PLAT: variants seen among roughly 807,000 people sequenced by gnomAD.
The protein encoded by PLAT is tissue-type plasminogen activator.
Under a neutral mutation model 74.9 loss-of-function variants are expected in PLAT, and 48 were observed. The ratio of observed to expected loss-of-function variants is 0.64; its 90% CI spans 0.51 to 0.82. The LOEUF (loss-of-function observed/expected upper bound fraction) is 0.82. Among genes scored for constraint, PLAT ranks in the 40% least tolerant of loss-of-function variants. The pLI is 0.00. For synonymous variants in PLAT, 307 were observed against 294.4 expected (o/e 1.04, Z -0.44); for missense variants, 673 against 736.2 (o/e 0.91, Z 0.99).
chr8:42,201,483 G>A (rs762333751), intron 1 of PLAT, among the ~76,000 whole-genome samples: 31 of 152,062 alleles, frequency 2.0e-4, no homozygotes, highest in Middle Eastern at 3.2e-3. Flanking sequence ...GAGATGCCAC[G>A]CTTCATGGGG....
intron 3 of PLAT, among the ~76,000 whole-genome samples, chr8:42,190,865 C>T (rs1805655063): frequency 6.6e-6 from 1 of 152,162 alleles, no homozygotes; most frequent in Admixed American, 6.5e-5. Context: ...TGGGACATCC[C>T]GGTTGGATCA....
intron 13 of PLAT, among the ~76,000 whole-genome samples, chr8:42,177,245 C>T (rs1034693076): frequency 5.9e-5 from 9 of 152,348 alleles, no homozygotes; most frequent in Middle Eastern, 3.4e-3. Context: ...GCATGAGCCC[C>T]GCACCTGACC....
chr8:42,191,477 G>A lies in PLAT; in HGVS notation c.73-63C>T. On this transcript the variant is annotated intron_variant, in intron 2 of 13. Coordinates refer to ENST00000220809, the MANE Select transcript of PLAT (RefSeq NM_000930.5). ...TGCCAGGTGTACTAAGAGTAAAGGC[G>A]GCCAACCCAGAAGCCCATGTGAACC... 3.3e-6 allele frequency: 5 copies of A among 1,508,708 alleles called. No individual in the cohort carries two copies. The East Asian group carries it at 9.0e-5, about 27-fold the overall frequency. 93.5% of individuals were successfully genotyped at this position (1,508,708 alleles called of 1,614,324 possible).
intron 2 of PLAT, among the ~76,000 whole-genome samples, chr8:42,191,627 G>C (rs1001048681): frequency 6.6e-6 from 1 of 152,072 alleles, no homozygotes; most frequent in African/African-American, 2.4e-5. Flanking sequence ...AGAGCTTTCT[G>C]CTTGGTGGAA....
chr8:42,185,964 C>G (rs1805437577), intron 6 of PLAT: 1 of 151,830 alleles, frequency 6.6e-6, no homozygotes, highest in Admixed American at 6.6e-5. Flanking sequence ...CCTGGCTTAC[C>G]AAGATGTTTC....
At chr8:42,177,384 G>A (rs1041228262) in intron 13 of PLAT, among the ~76,000 whole-genome samples, 1 of 152,298 alleles carries the variant, frequency 6.6e-6, no homozygotes, top group Non-Finnish European at 1.5e-5. Flanking sequence ...CTGAAGAGTG[G>A]GTAGATTGTA....
intron 3 of PLAT, among the ~76,000 whole-genome samples, chr8:42,189,610 T>A (rs1805610461): frequency 6.6e-6 from 1 of 151,556 alleles, no homozygotes; most frequent in South Asian, 2.1e-4. Flanking sequence ...TTATTATTAT[T>A]ATTTTTGAAA....
In PLAT at chr8:42,175,957, GA is replaced by G; in HGVS notation, c.*35del. The G allele has an allele frequency of 6.2e-7, 1 of 1,607,922 alleles. No individual in the cohort carries two copies. The highest frequency in any genetic ancestry group is 8.5e-7 in the Non-Finnish European group (1 of 1,175,206). ...GTGTCTTCTGAAGAAGAAGAGGCGGGATCTCATTTGCTTTTGAGGAGTCGGG... is the reference window on the plus strand; with the variant it reads ...GTGTCTTCTGAAGAAGAAGAGGCGGGTCTCATTTGCTTTTGAGGAGTCGGG... On this transcript the variant is annotated 3_prime_UTR_variant, in exon 14 of 14. Transcript: ENST00000220809.
At position 42,189,058 on chromosome 8, in the gene PLAT, A is replaced by G. The variant is rs1197841254; in HGVS notation, c.129T>C (p.Asp43=). The G allele has an allele frequency of 6.2e-7, 1 of 1,612,976 alleles. No individual in the cohort carries two copies. Among genetic ancestry groups the G allele is most frequent in the Non-Finnish European group, 8.5e-7 (1 of 1,179,200 alleles). ...GARSYQVICR[D]EKTQMIYQQH... Reference sequence around the variant, plus strand: ...GCTGGTATATCATCTGCGTTTTTTCATCTCTGCAGATCACTATGAGAAAAG... The same window carrying G: ...GCTGGTATATCATCTGCGTTTTTTCGTCTCTGCAGATCACTATGAGAAAAG... The change falls in exon 4 of 14, where the codon GAT becomes GAC. Residue 43 remains aspartate, a synonymous_variant. Transcript: ENST00000220809.
chr8:42,196,673 T>G (rs1354997600), intron 1 of PLAT, among the ~76,000 whole-genome samples: 1 of 152,046 alleles, frequency 6.6e-6, no homozygotes, highest in Non-Finnish European at 1.5e-5. Flanking sequence ...ACTTTGGGCC[T>G]CACCAAAGGG....
Position 42,175,906 on chromosome 8 carries a change from CTG to C in PLAT, c.*85_*86del. On this transcript the variant is annotated 3_prime_UTR_variant, in exon 14 of 14. Transcript: ENST00000220809. Reference sequence around the variant, plus strand: ...TGCGGTGTGGTGGGTCTGGAGAAGTCTGTAGAGAAGCACTGCGCCTTTGCAGT... The same window carrying C: ...TGCGGTGTGGTGGGTCTGGAGAAGTCTAGAGAAGCACTGCGCCTTTGCAGT... 7.3e-7 allele frequency: 1 copy of C among 1,365,812 alleles called. No homozygotes were observed. Among genetic ancestry groups the C allele is most frequent in the African/African-American group, 1.4e-5 (1 of 70,392 alleles). 84.6% of individuals were successfully genotyped at this position (1,365,812 alleles called of 1,614,324 possible). A position where few individuals can be genotyped will look rare whatever the true frequency, so the allele number is the denominator to read the frequency against.
intron 1 of PLAT, among the ~76,000 whole-genome samples, chr8:42,204,022 C>T (rs397835162): frequency 6.7e-6 from 1 of 148,740 alleles, no homozygotes. Context: ...CACACACACA[C>T]ACACACATAC....
chr8:42,184,984 C>T, intron 7 of PLAT, 97 bp downstream of exon 7: 2 of 749,418 alleles, frequency 2.7e-6, no homozygotes, highest in Non-Finnish European at 4.3e-6. Flanking sequence ...CTGGCCTCCC[C>T]CTTTCTCCCC....
intron 1 of PLAT, among the ~76,000 whole-genome samples, chr8:42,206,889 TGGAG>T (rs1806360248): frequency 6.6e-6 from 1 of 152,198 alleles, no homozygotes; most frequent in Non-Finnish European, 1.5e-5. Flanking sequence ...AACTGACCTG[TGGAG>T]ACTTGTAGGG....
intron 7 of PLAT, 172 bp downstream of exon 7, chr8:42,184,909 A>G (rs1805391590): frequency 2.1e-6 from 1 of 480,922 alleles, no homozygotes; most frequent in Non-Finnish European, 3.7e-6. Flanking sequence ...AGCCAGTCAG[A>G]GGCCAAGCCC....
intron 1 of PLAT, among the ~76,000 whole-genome samples, chr8:42,198,859 C>A (rs1244988562): frequency 1.3e-5 from 2 of 152,128 alleles, no homozygotes; most frequent in African/African-American, 4.8e-5. Flanking sequence ...TTTAAAACAA[C>A]ACACTCTCCA....
intron 1 of PLAT, among the ~76,000 whole-genome samples, chr8:42,203,079 G>T (rs751045498): frequency 1.3e-5 from 2 of 152,104 alleles, no homozygotes; most frequent in African/African-American, 4.8e-5. Context: ...GGATCTAGGG[G>T]CCTTTGTAGG....
chr8:42,187,699 G>T, intron 5 of PLAT, 127 bp from the exon 6 acceptor site: 7 of 922,354 alleles, frequency 7.6e-6, no homozygotes, highest in Non-Finnish European at 9.6e-6. Flanking sequence ...CACAGGCTGG[G>T]TGGCAAGGGT....
chr8:42,204,609 G>A (rs1419362839), intron 1 of PLAT, among the ~76,000 whole-genome samples: 1 of 151,850 alleles, frequency 6.6e-6, no homozygotes, highest in Non-Finnish European at 1.5e-5. Context: ...AAGCTATTTG[G>A]GAGGCTGAGG....
Sources: allele counts gnomAD v4.1 joint callset (sites outside exome capture counted in the v4.1 genomes callset), GRCh38; gene constraint gnomAD v4.1.1; transcripts MANE v1.5; gene names NCBI Gene and HGNC (gene_info 2026-07-23, HGNC 2026-07-21).